The following CLECL1 variants were observed in gnomAD, a reference collection of about 807,000 sequenced individuals.
CLECL1 encodes C-type lectin like 1.
chr12:9,726,129 C>T (rs1213652921), intron 3 of CLECL1, among the ~76,000 whole-genome samples: 1 of 151,918 alleles, frequency 6.6e-6, no homozygotes, highest in African/African-American at 2.4e-5. Context: ...TCAAATATTT[C>T]AGGAAACAAG....
At chr12:9,707,238 G>A in the CLECL1 span, among the ~76,000 whole-genome samples, 3 of 152,078 alleles carry the variant, frequency 2.0e-5, no homozygotes, top group South Asian at 2.1e-4. Flanking sequence ...ATAAAATTAC[G>A]ATGTAGGCAT....
the CLECL1 span, among the ~76,000 whole-genome samples, chr12:9,708,296 C>T: frequency 3.9e-5 from 6 of 152,160 alleles, no homozygotes; most frequent in Non-Finnish European, 8.8e-5. Flanking sequence ...AGCTATTTTT[C>T]TGTTTTTTAA....
chr12:9,718,397 A>G (rs1417696138), downstream of CLECL1, among the ~76,000 whole-genome samples: 1 of 151,402 alleles, frequency 6.6e-6, no homozygotes, highest in Non-Finnish European at 1.5e-5. Flanking sequence ...AGTTACTTAA[A>G]GAGGTGTTTA....
downstream of CLECL1, among the ~76,000 whole-genome samples, chr12:9,712,345 C>T (rs920618897): frequency 9.8e-5 from 15 of 152,290 alleles, no homozygotes; most frequent in South Asian, 2.5e-3. Flanking sequence ...CTCAGTAAAA[C>T]GTGAAGGTTT....
chr12:9,722,514 C>T (rs745632383), downstream of CLECL1: 2 of 1,363,016 alleles, frequency 1.5e-6, no homozygotes, highest in Non-Finnish European at 1.9e-6. Flanking sequence ...ACAATTCATT[C>T]AACTAATATT....
chr12:9,720,805 C>G (rs1866301054), downstream of CLECL1, among the ~76,000 whole-genome samples: 1 of 152,234 alleles, frequency 6.6e-6, no homozygotes. Flanking sequence ...ACCCCAGGAG[C>G]TTCACACTGT....
chr12:9,724,336 A>G (rs1041124958), intron 3 of CLECL1, among the ~76,000 whole-genome samples: 1 of 152,216 alleles, frequency 6.6e-6, no homozygotes, highest in Non-Finnish European at 1.5e-5. Context: ...ATGAAAAACC[A>G]GAAAAATATG....
chr12:9,708,362 G>A, the CLECL1 span, among the ~76,000 whole-genome samples: 9 of 152,212 alleles, frequency 5.9e-5, no homozygotes, highest in African/African-American at 2.2e-4. Context: ...ACGGTGAAAC[G>A]ACCCCTGCTG....
At chr12:9,730,544 C>A (rs1203710816) in intron 1 of CLECL1, among the ~76,000 whole-genome samples, 1 of 152,142 alleles carries the variant, frequency 6.6e-6, no homozygotes, top group African/African-American at 2.4e-5. Flanking sequence ...ATTAAAACAT[C>A]TTTAATAGGA....
chr12:9,733,214 G>C, upstream of CLECL1: 1 of 1,613,204 alleles, frequency 6.2e-7, no homozygotes, highest in Non-Finnish European at 8.5e-7. Context: ...TACTAATCAA[G>C]GTAGCAGATT....
At chr12:9,729,693 A>G (rs1417555271) in intron 1 of CLECL1, among the ~76,000 whole-genome samples, 1 of 152,158 alleles carries the variant, frequency 6.6e-6, no homozygotes, top group Non-Finnish European at 1.5e-5. Flanking sequence ...AATTGAATAG[A>G]TTTCACTAGT....
intron 3 of CLECL1, among the ~76,000 whole-genome samples, chr12:9,726,639 T>A (rs2192437): frequency 0.53 from 80,493 of 151,734 alleles, 21,630 homozygotes; most frequent in African/African-American, 0.6. Flanking sequence ...TAAGATAAAC[T>A]CATTTAGATT....
At chr12:9,724,281 C>A (rs10772085) in intron 3 of CLECL1, among the ~76,000 whole-genome samples, 4 of 151,726 alleles carry the variant, frequency 2.6e-5, no homozygotes, top group African/African-American at 4.8e-5. Context: ...CAGACTTCTC[C>A]ATATAACTTT....
upstream of CLECL1, chr12:9,733,060 C>T (rs1220965982): frequency 6.2e-7 from 1 of 1,614,132 alleles, no homozygotes; most frequent in East Asian, 2.2e-5. Flanking sequence ...GAGAAGACCA[C>T]AAATGATGTC....
At chr12:9,725,409 T>C (rs945485009) in intron 3 of CLECL1, among the ~76,000 whole-genome samples, 1 of 152,076 alleles carries the variant, frequency 6.6e-6, no homozygotes, top group Non-Finnish European at 1.5e-5. Flanking sequence ...TGTATAATTA[T>C]TGCGAAAGAT....
chr12:9,723,381 A>G (rs1866337697), intron 3 of CLECL1, among the ~76,000 whole-genome samples: 1 of 152,178 alleles, frequency 6.6e-6, no homozygotes, highest in Non-Finnish European at 1.5e-5. Context: ...AGGGTATTCT[A>G]GATATACCAA....
chr12:9,723,684 C>G (rs778532544), intron 3 of CLECL1, among the ~76,000 whole-genome samples: 1 of 152,160 alleles, frequency 6.6e-6, no homozygotes, highest in Non-Finnish European at 1.5e-5. Flanking sequence ...AGAGAAACCA[C>G]AGATGCTGAA....
chr12:9,734,005 G>C (rs983686147), upstream of CLECL1, among the ~76,000 whole-genome samples: 3 of 152,212 alleles, frequency 2.0e-5, no homozygotes, highest in African/African-American at 7.2e-5. Flanking sequence ...TAATGGAGGA[G>C]AGCCTAGCTA....
downstream of CLECL1, among the ~76,000 whole-genome samples, chr12:9,718,082 C>A (rs1417338041): frequency 6.6e-6 from 1 of 151,968 alleles, no homozygotes; most frequent in Non-Finnish European, 1.5e-5. Flanking sequence ...ATTTAAAAGT[C>A]TGTTGTTTAA....
Sources: allele counts gnomAD v4.1 joint callset (sites outside exome capture counted in the v4.1 genomes callset), GRCh38; gene constraint gnomAD v4.1.1; transcripts MANE v1.5; gene names NCBI Gene and HGNC (gene_info 2026-07-23, HGNC 2026-07-21).